The following NDST4 variants were observed in gnomAD, a reference collection of about 807,000 sequenced individuals.
NDST4 encodes N-deacetylase and N-sulfotransferase 4.
NDST4 carries 63 observed loss-of-function variants against 100.8 expected under a neutral mutation model. The observed-to-expected ratio is 0.62, with a 90% CI of 0.51 to 0.77. The LOEUF is 0.77. Ranked by LOEUF, NDST4 falls within the 30% of genes least tolerant of loss-of-function variation. The pLI, the probability that NDST4 is intolerant of heterozygous loss-of-function variation, is 0.00. For missense variants in NDST4, 943 were observed against 1,018.4 expected (o/e 0.93, Z 1.01); for synonymous variants, 377 against 361.8 (o/e 1.04, Z -0.48).
At chr4:114,863,514 T>A (rs1213415749) in intron 7 of NDST4, among the ~76,000 whole-genome samples, 10 of 152,274 alleles carry the variant, frequency 6.6e-5, no homozygotes. Flanking sequence ...TCTATTGTTT[T>A]AATTTTTAAG....
chr4:114,954,443 C>T (rs748669813), intron 4 of NDST4, among the ~76,000 whole-genome samples: 25 of 151,804 alleles, frequency 1.6e-4, no homozygotes, highest in South Asian at 2.1e-4. Flanking sequence ...ATGAATTAAA[C>T]GGATTGAGGT....
chr4:114,931,402 G>T (rs1276154347), intron 6 of NDST4, among the ~76,000 whole-genome samples: 1 of 140,580 alleles, frequency 7.1e-6, no homozygotes, highest in Non-Finnish European at 1.6e-5. Flanking sequence ...CTTACATTAA[G>T]AAAAAAAAAG....
chr4:115,001,067 A>G (rs1727279935), intron 2 of NDST4, among the ~76,000 whole-genome samples: 1 of 152,130 alleles, frequency 6.6e-6, no homozygotes, highest in Admixed American at 6.6e-5. Context: ...CTCAACTTCT[A>G]ATATCATCAC....
intron 13 of NDST4, among the ~76,000 whole-genome samples, chr4:114,828,467 T>C (rs1578329459): frequency 2.0e-5 from 3 of 152,200 alleles, no homozygotes; most frequent in Admixed American, 2.0e-4. Context: ...TAAGAGCTTT[T>C]GGTTTCCAAA....
intron 6 of NDST4, among the ~76,000 whole-genome samples, chr4:114,914,034 C>T (rs1371175820): frequency 2.0e-5 from 3 of 152,014 alleles, no homozygotes; most frequent in Non-Finnish European, 2.9e-5. Flanking sequence ...TTTGCAACAA[C>T]ATGGATGAAA....
chr4:115,036,513 C>G (rs1728236645), intron 2 of NDST4, among the ~76,000 whole-genome samples: 1 of 151,666 alleles, frequency 6.6e-6, no homozygotes, highest in Non-Finnish European at 1.5e-5. Flanking sequence ...ATAATTTCAT[C>G]TAGTCATTTC....
chr4:114,852,268 T>C (rs57372035), intron 8 of NDST4, among the ~76,000 whole-genome samples: 3,080 of 152,254 alleles, frequency 0.02, 133 homozygotes, highest in South Asian at 0.18. Flanking sequence ...AGGAATCACA[T>C]ATGTAAAATA....
chr4:114,839,555 C>T lies in NDST4; in HGVS notation c.2116-7G>A. ...CTTCATGTGATCGTTGGTGCTTTAA[C>T]AAGAAAGTCAATTGTAAAGTTAGAT... On this transcript the variant is annotated splice_polypyrimidine_tract_variant and splice_region_variant and intron_variant, in intron 10 of 13. Coordinates refer to ENST00000264363, the MANE Select transcript of NDST4 (RefSeq NM_022569.3). The T allele has an allele frequency of 6.2e-7, 1 of 1,612,282 alleles. No homozygotes were observed. Among genetic ancestry groups the T allele is most frequent in the Non-Finnish European group, 8.5e-7 (1 of 1,178,870 alleles).
At chr4:115,090,627 T>A (rs555859664) in intron 1 of NDST4, among the ~76,000 whole-genome samples, 1 of 152,132 alleles carries the variant, frequency 6.6e-6, no homozygotes, top group South Asian at 2.1e-4. Flanking sequence ...AAAAATTTGA[T>A]TTTTTTAATG....
chr4:114,914,770 C>T (rs577323989), intron 6 of NDST4, among the ~76,000 whole-genome samples: 2 of 152,140 alleles, frequency 1.3e-5, no homozygotes, highest in East Asian at 1.9e-4. Flanking sequence ...AATGGAGATG[C>T]GAAGTACCTG....
At chr4:115,047,162 A>G (rs1187244925) in intron 2 of NDST4, among the ~76,000 whole-genome samples, 4 of 152,146 alleles carry the variant, frequency 2.6e-5, no homozygotes, top group Non-Finnish European at 5.9e-5. Flanking sequence ...TCACAACATT[A>G]TCCAGAGTCA....
At chr4:115,010,922 T>C (rs2126260382) in intron 2 of NDST4, among the ~76,000 whole-genome samples, 1 of 152,162 alleles carries the variant, frequency 6.6e-6, no homozygotes, top group South Asian at 2.1e-4. Flanking sequence ...TTTATAACCA[T>C]TTGATTAAAT....
chr4:114,966,795 T>G (rs1339059666), intron 4 of NDST4, among the ~76,000 whole-genome samples: 2 of 152,126 alleles, frequency 1.3e-5, no homozygotes, highest in Non-Finnish European at 2.9e-5. Flanking sequence ...CCACAAATGA[T>G]CACAGAATTT....
chr4:115,012,968 G>A (rs544491105), intron 2 of NDST4, among the ~76,000 whole-genome samples: 3 of 151,342 alleles, frequency 2.0e-5, no homozygotes, highest in Admixed American at 6.6e-5. Flanking sequence ...GGCAAACTTC[G>A]CATGTTCTCA....
At chr4:115,099,499 T>G (rs761449950) in intron 1 of NDST4, among the ~76,000 whole-genome samples, 2 of 151,916 alleles carry the variant, frequency 1.3e-5, no homozygotes, top group African/African-American at 2.4e-5. Context: ...AAATGGGAAA[T>G]AAAAACCTAA....
intron 6 of NDST4, among the ~76,000 whole-genome samples, chr4:114,919,149 A>T (rs987896112): frequency 1.3e-5 from 2 of 152,202 alleles, no homozygotes; most frequent in Non-Finnish European, 2.9e-5. Flanking sequence ...ATCCAACAAC[A>T]TACAGTGGTT....
intron 9 of NDST4, among the ~76,000 whole-genome samples, chr4:114,846,761 A>C (rs537556328): frequency 1.3e-5 from 2 of 152,286 alleles, no homozygotes; most frequent in East Asian, 1.9e-4. Context: ...ATAAATAATA[A>C]GAGCAATTAA....
At chr4:114,837,240 T>C (rs1410560229) in intron 11 of NDST4, among the ~76,000 whole-genome samples, 1 of 152,166 alleles carries the variant, frequency 6.6e-6, no homozygotes, top group Non-Finnish European at 1.5e-5. Context: ...TGGTTTTTCC[T>C]CATCTTCGTG....
chr4:115,107,174 A>G (rs948104166), intron 1 of NDST4, among the ~76,000 whole-genome samples: 1 of 152,094 alleles, frequency 6.6e-6, no homozygotes, highest in African/African-American at 2.4e-5. Flanking sequence ...ATAAAATTAA[A>G]GAAGGAAATA....
Sources: gnomAD v4.1 joint callset for allele counts (sites outside exome capture counted in the v4.1 genomes callset) on GRCh38, gnomAD v4.1.1 for gene constraint, MANE v1.5 for transcripts, NCBI Gene and HGNC (gene_info 2026-07-23, HGNC 2026-07-21) for gene names.